Variants in PPARGC1B observed in about 807,000 individuals in gnomAD.
The protein encoded by PPARGC1B is peroxisome proliferator-activated receptor gamma coactivator 1-beta.
In PPARGC1B, 34 loss-of-function variants were observed where a neutral mutation model predicts 101.6. The observed-to-expected ratio is 0.33, with a 90% CI of 0.25 to 0.45. The LOEUF is 0.45. PPARGC1B is among the 20% of genes least tolerant of loss of function. The pLI, the probability that PPARGC1B is intolerant of heterozygous loss-of-function variation, is 1.00. For missense variants in PPARGC1B, 1,234 were observed against 1,317.6 expected, an observed-to-expected ratio of 0.94 and a Z score of 0.98; for synonymous variants, 548 against 539.3, an observed-to-expected ratio of 1.02 and a Z score of -0.22.
At chr5:149,834,102 T>G (rs970313613) in intron 5 of PPARGC1B, among the ~76,000 whole-genome samples, 1 of 152,226 alleles carries the variant, frequency 6.6e-6, no homozygotes, top group African/African-American at 2.4e-5. Flanking sequence ...GAAGACTCAC[T>G]GGGGATGATG....
In PPARGC1B at chr5:149,833,604, C is replaced by T. The variant is rs1177178790; in HGVS notation, c.1531C>T (p.Leu511=). 3.1e-6 allele frequency: 5 copies of T among 1,607,840 alleles called. No individual in the cohort carries two copies. In the East Asian group the frequency reaches 6.7e-5, roughly 22 times the overall value. ...CCAAGGTGCTCTGCCCTCACTGTGC[C>T]TGGCTCCCAAGGCCTACGACGTAGA... is the stretch of plus-strand genomic sequence containing the variant. ...EPQGALPSLC[L]APKAYDVERE... Residue 511 remains leucine, a synonymous_variant, in exon 5 of 12, where the codon CTG becomes TTG. Transcript: ENST00000309241. The surrounding 1 kb of genome is among the most constrained non-coding windows in gnomAD (Gnocchi z 4.1).
intron 1 of PPARGC1B, among the ~76,000 whole-genome samples, chr5:149,818,616 G>C (rs1353993285): frequency 6.6e-6 from 1 of 152,160 alleles, no homozygotes; most frequent in Non-Finnish European, 1.5e-5. Context: ...AATTTATGAG[G>C]CCTAGTAAGT....
intron 3 of PPARGC1B, 24 bp downstream of exon 3, chr5:149,826,909 G>A: frequency 6.4e-7 from 1 of 1,551,764 alleles, no homozygotes; most frequent in South Asian, 1.2e-5. Context: ...TACAGCAGAA[G>A]TGATGGTTGC....
intron 1 of PPARGC1B, among the ~76,000 whole-genome samples, chr5:149,771,744 C>T (rs770696169): frequency 6.6e-6 from 1 of 152,200 alleles, no homozygotes; most frequent in Non-Finnish European, 1.5e-5. Flanking sequence ...GCAGGCAGCA[C>T]TCCACTTGCT....
chr5:149,803,813 G>T (rs17653473), intron 1 of PPARGC1B, among the ~76,000 whole-genome samples: 40,363 of 152,098 alleles, frequency 0.27, 5,776 homozygotes, highest in East Asian at 0.32. Flanking sequence ...CCAGTTCTTC[G>T]CTCTGGAACG....
At chr5:149,769,226 G>C (rs1008938601) in intron 1 of PPARGC1B, among the ~76,000 whole-genome samples, 2 of 152,212 alleles carry the variant, frequency 1.3e-5, no homozygotes, top group African/African-American at 4.8e-5. Context: ...AGGCAGTAAT[G>C]CGTGCCATGG....
At chr5:149,771,883 T>G in intron 1 of PPARGC1B, 1 of 686,944 alleles carries the variant, frequency 1.5e-6, no homozygotes, top group Non-Finnish European at 2.2e-6. Flanking sequence ...ATGGCCAATT[T>G]CATCCTGTTT....
chr5:149,798,954 G>T (rs942475180), intron 1 of PPARGC1B, among the ~76,000 whole-genome samples: 2 of 152,152 alleles, frequency 1.3e-5, no homozygotes, highest in Non-Finnish European at 2.9e-5. Flanking sequence ...CCAAGCAGGG[G>T]CTGGGTGCTG....
chr5:149,825,481 G>A (rs1042486804), intron 2 of PPARGC1B, among the ~76,000 whole-genome samples: 1 of 152,150 alleles, frequency 6.6e-6, no homozygotes, highest in Non-Finnish European at 1.5e-5. Context: ...CCTCCTTAAC[G>A]CTTTACCTGG....
chr5:149,799,731 C>T (rs1352269544), intron 1 of PPARGC1B, among the ~76,000 whole-genome samples: 4 of 101,290 alleles, frequency 3.9e-5, no homozygotes, highest in Admixed American at 1.6e-4. Context: ...AAGTCTTGCT[C>T]TTGTCACCCA....
intron 1 of PPARGC1B, among the ~76,000 whole-genome samples, chr5:149,791,815 T>C (rs142416968): frequency 6.6e-5 from 10 of 152,306 alleles, no homozygotes; most frequent in African/African-American, 2.4e-4. Flanking sequence ...TCTGACAGAT[T>C]AAGATAATGA....
chr5:149,786,297 C>T (rs540283167), intron 1 of PPARGC1B, among the ~76,000 whole-genome samples: 5 of 152,244 alleles, frequency 3.3e-5, no homozygotes, highest in South Asian at 4.1e-4. Context: ...TGTTTCATCA[C>T]GTTGGCCAGG....
In PPARGC1B at chr5:149,730,535, C is replaced by T; in HGVS notation, c.78+115C>T. On this transcript the variant is annotated intron_variant, in intron 1 of 11. Coordinates refer to ENST00000309241, the MANE Select transcript of PPARGC1B (RefSeq NM_133263.4). The surrounding 1 kb of genome is among the most constrained non-coding windows in gnomAD (Gnocchi z 4.0). Reference sequence around the variant, plus strand: ...GGGAGCCCTGGGGTAACTGGGGGTTCCAGGCTGCAGAGCCCCCCTTCCAGG... The same window carrying T: ...GGGAGCCCTGGGGTAACTGGGGGTTTCAGGCTGCAGAGCCCCCCTTCCAGG... 2.5e-6 allele frequency: 2 copies of T among 795,552 alleles called. No individual in the cohort carries two copies. The highest frequency in any genetic ancestry group is 2.1e-5 in the South Asian group (1 of 47,364). 49.3% of individuals were successfully genotyped at this position (795,552 alleles called of 1,614,324 possible).
At chr5:149,776,777 G>A (rs996748936) in intron 1 of PPARGC1B, among the ~76,000 whole-genome samples, 3 of 152,222 alleles carry the variant, frequency 2.0e-5, no homozygotes, top group Non-Finnish European at 4.4e-5. Context: ...GCTAGCTCTG[G>A]GGCTTCAGAC....
At chr5:149,745,233 GAGTT>G (rs930488451) in intron 1 of PPARGC1B, among the ~76,000 whole-genome samples, 3 of 152,246 alleles carry the variant, frequency 2.0e-5, no homozygotes, top group African/African-American at 7.2e-5. Flanking sequence ...GTGATCTAAG[GAGTT>G]AGATAGCTGC....
At chr5:149,767,759 C>T (rs1399630179) in intron 1 of PPARGC1B, among the ~76,000 whole-genome samples, 1 of 152,082 alleles carries the variant, frequency 6.6e-6, no homozygotes, top group South Asian at 2.1e-4. Flanking sequence ...CTTTTGTCTA[C>T]ACCAGCGGTC....
intron 1 of PPARGC1B, among the ~76,000 whole-genome samples, chr5:149,771,625 C>T (rs561746094): frequency 2.0e-4 from 31 of 152,220 alleles, no homozygotes; most frequent in Admixed American, 3.9e-4. Flanking sequence ...CACCTGTTAC[C>T]GTGTCCTACA....
In PPARGC1B at chr5:149,794,388, G is replaced by A. The variant is rs138820198; in HGVS notation, c.79-26045G>A. Among the ~76,000 whole-genome samples, 524 of 152,298 alleles carry A rather than the reference G, an allele frequency of 3.4e-3. 2 individuals are homozygous for A. The highest frequency in any genetic ancestry group is 0.012 in the African/African-American group (509 of 41,548). On this transcript the variant is annotated intron_variant, in intron 1 of 11. Coordinates refer to ENST00000309241, the MANE Select transcript of PPARGC1B (RefSeq NM_133263.4). ...GAATATCCACATGAGAGGAAACTGA[G>A]GCCCATGTAGGCAAGGGGGCTGGCT...
intron 1 of PPARGC1B, chr5:149,761,592 T>A (rs907322116): frequency 6.6e-6 from 1 of 152,132 alleles, no homozygotes; most frequent in Non-Finnish European, 1.5e-5. Flanking sequence ...TGTTGACAGA[T>A]GAATGGATAA....
Sources: allele counts gnomAD v4.1 joint callset (sites outside exome capture counted in the v4.1 genomes callset), GRCh38; gene constraint gnomAD v4.1.1; non-coding constraint Gnocchi (gnomAD v3.1); transcripts MANE v1.5; gene names NCBI Gene and HGNC (gene_info 2026-07-23, HGNC 2026-07-21).